ANKAR: variants seen among roughly 807,000 people sequenced by gnomAD.
The protein encoded by ANKAR is ankyrin and armadillo repeat-containing protein.
A neutral mutation model predicts 146.2 loss-of-function variants in ANKAR; 136 were observed. The observed-to-expected ratio is 0.93, with a 90% CI of 0.81 to 1.07. The LOEUF is 1.07. Ranked by LOEUF, ANKAR falls within the 50% of genes least tolerant of loss-of-function variation. The pLI is 0.00. For synonymous variants in ANKAR, 500 were observed against 575.8 expected, an observed-to-expected ratio of 0.87 and a Z score of 1.88; for missense variants, 1,567 against 1,679.9, an observed-to-expected ratio of 0.93 and a Z score of 1.18.
Position 189,696,345 on chromosome 2 carries a change from A to G in ANKAR, c.1684A>G (p.Arg562Gly), listed in dbSNP as rs2037200451. ...LCNANFKVNQ[R>G]RFVTFSQGPT... is the part of the protein sequence containing the mutation. ...CAATGCTAACTTCAAGGTCAACCAGAGGCGCTTTGTTACGTTCAGCCAAGG... is the reference window on the plus strand; with the variant it reads ...CAATGCTAACTTCAAGGTCAACCAGGGGCGCTTTGTTACGTTCAGCCAAGG... Residue 562 changes from arginine to glycine, a missense_variant, in exon 7 of 23, where the codon AGG (arginine) becomes GGG (glycine). Arg to Gly is a moderately radical substitution (Grantham distance 125, BLOSUM62 -2). Transcript: ENST00000684021. The G allele has an allele frequency of 6.2e-7, 1 of 1,613,674 alleles. No individual in the cohort carries two copies. The highest frequency in any genetic ancestry group is 8.5e-7 in the Non-Finnish European group (1 of 1,179,928).
At chr2:189,754,905 C>T (rs186802342) in intron 18 of ANKAR, 16 of 416,962 alleles carry the variant, frequency 3.8e-5, no homozygotes, top group African/African-American at 6.3e-5. Flanking sequence ...CTTTCACATA[C>T]ATTATTTGGC....
At position 189,705,244 on chromosome 2, in the gene ANKAR, T is replaced by C. The variant is rs781371192; in HGVS notation, c.1910+20T>C. On this transcript the variant is annotated intron_variant, in intron 8 of 22. Coordinates refer to ENST00000684021, the MANE Select transcript of ANKAR (RefSeq NM_001378068.1). ...AGCTGAGTAAGTCATTAAGCATTTA[T>C]ATCAGGTTGAGGTTGATGTCTAGGC... 18 of 1,610,662 alleles carry C rather than the reference T, an allele frequency of 1.1e-5. No homozygotes were observed. The highest frequency in any genetic ancestry group is 1.4e-5 in the Non-Finnish European group (17 of 1,177,546).
intron 1 of ANKAR, 83 bp from the exon 2 acceptor site, chr2:189,676,372 AG>A: frequency 8.3e-7 from 1 of 1,201,838 alleles, no homozygotes; most frequent in Non-Finnish European, 1.1e-6. Flanking sequence ...TGTAGGTGAA[AG>A]GTACAGATTT....
In ANKAR at chr2:189,724,482, T is replaced by C. The variant is rs535574043; in HGVS notation, c.2636-3374T>C. Among the ~76,000 whole-genome samples, 7 of 152,328 alleles carry C rather than the reference T, an allele frequency of 4.6e-5. No homozygotes were observed. In the South Asian group the frequency reaches 1.2e-3, roughly 27 times the overall value. ...TTGAACTTATTGCTTTGTTCTTTAC[T>C]CTGGCCTTTCCTTTTGTTCGACAAG... On this transcript the variant is annotated intron_variant, in intron 12 of 22. Coordinates refer to ENST00000684021, the MANE Select transcript of ANKAR (RefSeq NM_001378068.1).
At chr2:189,751,028 C>T (rs2045100991), downstream of ANKAR, among the ~76,000 whole-genome samples, 1 of 152,208 alleles carries the variant, frequency 6.6e-6, no homozygotes, top group South Asian at 2.1e-4. Context: ...TGTATCCATT[C>T]ACATTTTAGA....
rs1262066107 is a variant in ANKAR at position 189,706,997 on chromosome 2, A to C, written c.1970A>C (p.Tyr657Ser). ...TCAGGAGCACTGGACACTATTCAAT[A>C]CCTGTTTTCTATCGGTGCTAACTGG... ...ATSGALDTIQ[Y>S]LFSIGANWRK... Residue 657 changes from tyrosine (Y) to serine (S), a missense_variant, in exon 9 of 23, where the codon TAC becomes TCC. By Grantham distance (144) the Tyr-to-Ser change is moderately radical. Coordinates refer to ENST00000684021, the MANE Select transcript of ANKAR (RefSeq NM_001378068.1). 9 of 1,613,796 alleles carry C rather than the reference A, an allele frequency of 5.6e-6. No homozygotes were observed. Among genetic ancestry groups the C allele is most frequent in the Admixed American group, 1.7e-5 (1 of 59,974 alleles).
Position 189,728,397 on chromosome 2 carries a change from C to T in ANKAR, c.3008C>T (p.Pro1003Leu). Reference protein sequence around the residue: ...YSFIINMLLSPSAKMQYVGGE... With the variant: ...YSFIINMLLSLSAKMQYVGGE... ...TTTATAATAAATATGCTTTTGTCACCATCAGCTAAAATGCAGTATGTTGGT... is the reference window on the plus strand; with the variant it reads ...TTTATAATAAATATGCTTTTGTCACTATCAGCTAAAATGCAGTATGTTGGT... The change falls in exon 14 of 23, where the codon CCA becomes CTA. Residue 1003 changes from proline to leucine, a missense_variant. Physicochemically the swap from Pro to Leu is moderately conservative, Grantham distance 98. Coordinates refer to ENST00000684021, the MANE Select transcript of ANKAR (RefSeq NM_001378068.1). The T allele has an allele frequency of 6.2e-7, 1 of 1,601,984 alleles. No homozygotes were observed. Among genetic ancestry groups the T allele is most frequent in the South Asian group, 1.1e-5 (1 of 87,246 alleles).
intron 20 of ANKAR, 148 bp from the exon 21 acceptor site, chr2:189,743,127 G>A (rs575587778): frequency 3.2e-5 from 22 of 697,834 alleles, no homozygotes; most frequent in African/African-American, 1.1e-4. Context: ...TTAAGCTTCC[G>A]TCTATACACT....
chr2:189,741,375 C>G lies in ANKAR; in HGVS notation c.3734C>G (p.Ala1245Gly). ...ATAGCAAGCCTGGCTCATTCTAGAGCTGGTATCCCAGAAGCATTTACCACA... is the reference window on the plus strand; with the variant it reads ...ATAGCAAGCCTGGCTCATTCTAGAGGTGGTATCCCAGAAGCATTTACCACA... ...NLIASLAHSR[A>G]GIPEAFTTLG... Residue 1245 changes from alanine to glycine, a missense_variant, in exon 20 of 23, where the codon GCT (alanine) becomes GGT (glycine). Ala to Gly is a moderately conservative substitution (Grantham distance 60). Transcript: ENST00000684021. 1.9e-6 allele frequency: 3 copies of G among 1,609,288 alleles called. No individual in the cohort carries two copies. Among genetic ancestry groups the G allele is most frequent in the Non-Finnish European group, 2.5e-6 (3 of 1,177,606 alleles).
chr2:189,754,448 T>G (rs1276907097), intron 18 of ANKAR: 6 of 1,082,646 alleles, frequency 5.5e-6, no homozygotes, highest in Non-Finnish European at 7.8e-6. Context: ...AAAAAACCCC[T>G]GAATGAATAA....
chr2:189,723,234 C>A (rs900883653), intron 12 of ANKAR, among the ~76,000 whole-genome samples: 3 of 152,126 alleles, frequency 2.0e-5, no homozygotes, highest in Non-Finnish European at 4.4e-5. Context: ...GTTAACATCT[C>A]CTTGGTCTGA....
chr2:189,746,031 G>A (rs1460914731), intron 22 of ANKAR, among the ~76,000 whole-genome samples: 1 of 152,052 alleles, frequency 6.6e-6, no homozygotes, highest in Non-Finnish European at 1.5e-5. Context: ...AAAAAATAAG[G>A]GCAAGGTAGC....
chr2:189,763,007 A>G, downstream of ANKAR: 2 of 985,372 alleles, frequency 2.0e-6, no homozygotes, highest in Non-Finnish European at 2.4e-6. Flanking sequence ...GTCTGACTAC[A>G]CAACATCAAG....
At chr2:189,700,920 T>C (rs1201926642) in intron 7 of ANKAR, among the ~76,000 whole-genome samples, 1 of 152,244 alleles carries the variant, frequency 6.6e-6, no homozygotes, top group Non-Finnish European at 1.5e-5. Context: ...AATGGATAAA[T>C]TTTCTCTATC....
chr2:189,683,503 G>A (rs1309333713), intron 2 of ANKAR, among the ~76,000 whole-genome samples: 2 of 152,172 alleles, frequency 1.3e-5, no homozygotes, highest in Non-Finnish European at 2.9e-5. Context: ...TAAAAATGTG[G>A]TCTGAAAGGA....
intron 2 of ANKAR, among the ~76,000 whole-genome samples, chr2:189,687,922 T>G (rs1190015733): frequency 6.6e-6 from 1 of 152,184 alleles, no homozygotes; most frequent in African/African-American, 2.4e-5. Context: ...TCTCTTCACT[T>G]TGTTGATTGT....
chr2:189,755,645 A>C, intron 18 of ANKAR: 1 of 1,409,532 alleles, frequency 7.1e-7, no homozygotes, highest in East Asian at 2.4e-5. Context: ...CATGTCTTCA[A>C]GTTAATCATT....
chr2:189,753,810 C>G, intron 18 of ANKAR: 1 of 1,191,386 alleles, frequency 8.4e-7, no homozygotes, highest in South Asian at 1.5e-5. Flanking sequence ...TCAGGGCTAG[C>G]ATAAGGCATA....
intron 18 of ANKAR, chr2:189,755,703 T>G: frequency 1.2e-6 from 1 of 846,880 alleles, no homozygotes; most frequent in Non-Finnish European, 1.7e-6. Context: ...CCTTCTAACA[T>G]AGCACACTAT....
Sources: allele counts gnomAD v4.1 joint callset (sites outside exome capture counted in the v4.1 genomes callset), GRCh38; gene constraint gnomAD v4.1.1; transcripts MANE v1.5; gene names NCBI Gene and HGNC (gene_info 2026-07-23, HGNC 2026-07-21).